The following UBR4 variants were observed in gnomAD, a reference collection of about 807,000 sequenced individuals.
UBR4 encodes E3 ubiquitin-protein ligase UBR4.
In UBR4, 124 loss-of-function variants were observed where a neutral mutation model predicts 575.6. The observed-to-expected ratio is 0.22, with a 90% CI of 0.19 to 0.25. The LOEUF is 0.25. UBR4 is among the 10% of genes least tolerant of loss of function. UBR4 has a pLI of 1.00. For missense variants in UBR4, 4,818 were observed against 6,478.8 expected (o/e 0.74, Z 8.80); for synonymous variants, 2,455 against 2,473.7 (o/e 0.99, Z 0.22).
chr1:19,160,171 C>G lies in UBR4; in HGVS notation c.5517G>C (p.Gln1839His). The G allele has an allele frequency of 6.2e-7, 1 of 1,614,124 alleles. No homozygotes were observed. The highest frequency in any genetic ancestry group is 8.5e-7 in the Non-Finnish European group (1 of 1,180,022). ...CAGTGTGTAGCTCACTGAGGGCTTG[C>G]TGAGCACGGCTGCTGCTCCCGACGG... ...ASAVGSSSRA[Q>H]QALSELHTVE... is the part of the protein sequence containing the mutation. The change falls in exon 39 of 106, where the codon CAG becomes CAC. Residue 1839 changes from glutamine to histidine, a missense_variant. This residue lies in a region of UBR4 where 159 missense variants were observed against 174.6 expected (regional missense o/e 0.91). Transcript: ENST00000375254.
Position 19,104,132 on chromosome 1 carries a change from C to T in UBR4, c.12853G>A (p.Asp4285Asn), listed in dbSNP as rs2078940985. Reference protein sequence around the residue: ...KLVVQRTKLIDETQDMLLEML... With the variant: ...KLVVQRTKLINETQDMLLEML... ...TCCAGCAGCATGTCCTGCGTCTCAT[C>T]GATCAGCTTGGTCCTCTGCACCACC... is the stretch of plus-strand genomic sequence containing the variant. Residue 4285 changes from aspartate to asparagine, a missense_variant, in exon 87 of 106, where the codon GAT becomes AAT. Asp to Asn is a conservative substitution (Grantham distance 23). Around this residue, in one of 29 missense-constraint regions of UBR4, gnomAD observed 105 missense variants for 232.8 expected, o/e 0.45. Transcript: ENST00000375254. 1 of 1,614,246 alleles carries T rather than the reference C, an allele frequency of 6.2e-7. No homozygotes were observed. The highest frequency in any genetic ancestry group is 8.5e-7 in the Non-Finnish European group (1 of 1,180,044).
Position 19,167,226 on chromosome 1 carries a change from G to A in UBR4, c.3905C>T (p.Ser1302Leu). Reference protein sequence around the residue: ...VRLTGDLIVWSDEMNPPQVIR... With the variant: ...VRLTGDLIVWLDEMNPPQVIR... ...TACCTGTGGTGGGTTCATCTCATCTGACCAACTTCAGCAAAGAAAATGAAA... is the reference window on the plus strand; with the variant it reads ...TACCTGTGGTGGGTTCATCTCATCTAACCAACTTCAGCAAAGAAAATGAAA... The change falls in exon 29 of 106, where the codon TCA becomes TTA. Residue 1302 changes from serine to leucine, a missense_variant. By Grantham distance (145) the Ser-to-Leu change is moderately radical. Transcript: ENST00000375254. 2 of 1,614,152 alleles carry A rather than the reference G, an allele frequency of 1.2e-6. No homozygotes were observed. Among genetic ancestry groups the A allele is most frequent in the Non-Finnish European group, 1.7e-6 (2 of 1,180,010 alleles).
chr1:19,193,578 G>T, intron 8 of UBR4, 21 bp from the exon 9 acceptor site: 1 of 1,607,680 alleles, frequency 6.2e-7, no homozygotes, highest in Non-Finnish European at 8.5e-7. Context: ...AGATGCACAG[G>T]TCTCAGCCAT....
chr1:19,126,963 T>G (rs956887160), intron 63 of UBR4, among the ~76,000 whole-genome samples: 1 of 152,188 alleles, frequency 6.6e-6, no homozygotes, highest in Non-Finnish European at 1.5e-5. Context: ...AGGGGACGCG[T>G]TTCCTCTTTT....
intron 42 of UBR4, among the ~76,000 whole-genome samples, chr1:19,156,021 T>G (rs2150379710): frequency 6.6e-6 from 1 of 152,306 alleles, no homozygotes; most frequent in Non-Finnish European, 1.5e-5. Context: ...TGTTATCATT[T>G]TTAGAGACAG....
Position 19,089,076 on chromosome 1 carries a change from T to C in UBR4, c.14212-99A>G. The C allele has an allele frequency of 8.4e-7, 1 of 1,191,528 alleles. No individual in the cohort carries two copies. Among genetic ancestry groups the C allele is most frequent in the Non-Finnish European group, 1.2e-6 (1 of 837,224 alleles). The allele number at this position is 1,191,528 out of a possible 1,614,324, so 73.8% of individuals were successfully genotyped here. A position where few individuals can be genotyped will look rare whatever the true frequency, so the allele number is the denominator to read the frequency against. ...TTAGAAACTCAACCAGCATGCACCA[T>C]CTCATGTCACCTGCTCAGCTGCAAT... is the stretch of plus-strand genomic sequence containing the variant. On this transcript the variant is annotated intron_variant, in intron 97 of 105. Transcript: ENST00000375254. The surrounding 1 kb of genome is among the most constrained non-coding windows in gnomAD (Gnocchi z 4.3).
Position 19,086,233 on chromosome 1 carries a change from G to A in UBR4, c.14725C>T (p.Leu4909=), listed in dbSNP as rs2076997601. ...RGREEWESAA[L]QNANTKCNGL... ...TTGCACTTGGTGTTGGCATTCTGCA[G>A]GGCGGCACTCTCCCACTCTTCCCGG... Residue 4909 remains leucine (L), a synonymous_variant, in exon 101 of 106, where the codon CTG becomes TTG. Transcript: ENST00000375254. 1 of 1,613,750 alleles carries A rather than the reference G, an allele frequency of 6.2e-7. No homozygotes were observed. The highest frequency in any genetic ancestry group is 8.5e-7 in the Non-Finnish European group (1 of 1,179,940).
Position 19,100,462 on chromosome 1 carries a change from T to C in UBR4, c.13135A>G (p.Ile4379Val), listed in dbSNP as rs1214505326. 5 of 1,614,180 alleles carry C rather than the reference T, an allele frequency of 3.1e-6. No homozygotes were observed. The highest frequency in any genetic ancestry group is 1.7e-5 in the Admixed American group (1 of 60,026). Residue 4379 changes from isoleucine to valine, a missense_variant, in exon 89 of 106, where the codon ATC (isoleucine) becomes GTC (valine). Physicochemically the swap from Ile to Val is conservative, Grantham distance 29. This residue lies in a region of UBR4 where 105 missense variants were observed against 232.8 expected (regional missense o/e 0.45). Transcript: ENST00000375254. The surrounding 1 kb of genome is among the most constrained non-coding windows in gnomAD (Gnocchi z 4.2). Reference protein sequence around the residue: ...GNPYSSNEPGIGPLMRDIKNK... With the variant: ...GNPYSSNEPGVGPLMRDIKNK... ...TTTATATCCCTCATCAGCGGCCCGA[T>C]GCCTGGCTCATTGCTGCTATACGGG...
intron 9 of UBR4, 118 bp downstream of exon 9, chr1:19,193,315 G>A: frequency 5.0e-6 from 7 of 1,409,626 alleles, no homozygotes; most frequent in Non-Finnish European, 5.8e-6. Context: ...CTAGTGCCCA[G>A]GGAAAGTAGT....
chr1:19,102,975 T>C (rs191888076), intron 87 of UBR4, among the ~76,000 whole-genome samples: 38 of 152,242 alleles, frequency 2.5e-4, no homozygotes, highest in Admixed American at 2.0e-3. Context: ...TCTCACTACC[T>C]AGGAGGTCTG....
intron 14 of UBR4, 73 bp from the exon 15 acceptor site, chr1:19,185,359 A>G: frequency 1.4e-6 from 2 of 1,417,002 alleles, no homozygotes; most frequent in Non-Finnish European, 1.9e-6. Flanking sequence ...GCTTCCTAAA[A>G]GTACTTAAGT....
chr1:19,078,348 C>T (rs2076161997), intron 103 of UBR4: 2 of 337,054 alleles, frequency 5.9e-6, no homozygotes, highest in Non-Finnish European at 5.6e-6. Context: ...GAGACATCGC[C>T]AGGGCAGACG....
At chr1:19,202,493 C>G (rs2092789774) in intron 1 of UBR4, among the ~76,000 whole-genome samples, 2 of 152,136 alleles carry the variant, frequency 1.3e-5, no homozygotes, top group Non-Finnish European at 2.9e-5. Flanking sequence ...ATAAGGCTGG[C>G]CTGTAATGCA....
chr1:19,118,171 T>A (rs2080760933), intron 71 of UBR4: 2 of 390,518 alleles, frequency 5.1e-6, no homozygotes, highest in Admixed American at 4.2e-5. Context: ...GTAGTAAAAT[T>A]TGACTCAAGA....
Position 19,167,150 on chromosome 1 carries a change from G to A in UBR4, c.3981C>T (p.Ala1327=), listed in dbSNP as rs1348955703. ...GTTCCAGGGAGTTGCTACTGATCTC[G>A]GCAACACTCTCAGTGCTTGATTCCA... ...LLLESSTESV[A]EISSNSLERI... is the part of the protein sequence containing the mutation. Residue 1327 remains alanine (A), a synonymous_variant, in exon 29 of 106, where the codon GCC becomes GCT. Transcript: ENST00000375254. 6 of 1,614,056 alleles carry A rather than the reference G, an allele frequency of 3.7e-6. No individual in the cohort carries two copies. Among genetic ancestry groups the A allele is most frequent in the East Asian group, 4.5e-5 (2 of 44,898 alleles).
At chr1:19,112,477 G>C (rs766416593) in intron 78 of UBR4, 47 bp downstream of exon 78, 10 of 1,550,686 alleles carry the variant, frequency 6.4e-6, no homozygotes, top group Non-Finnish European at 8.7e-6. Flanking sequence ...ATGGCTGCCA[G>C]TGTCAGTAGG....
intron 100 of UBR4, among the ~76,000 whole-genome samples, 177 bp from the exon 101 acceptor site, chr1:19,086,447 G>A (rs1234354874): frequency 6.6e-6 from 1 of 152,242 alleles, no homozygotes; most frequent in Admixed American, 6.5e-5. Context: ...GGTACACACT[G>A]GCTTTGCTGA....
At chr1:19,099,918 C>T (rs912710808) in intron 89 of UBR4, among the ~76,000 whole-genome samples, 1 of 152,102 alleles carries the variant, frequency 6.6e-6, no homozygotes, top group Non-Finnish European at 1.5e-5. Context: ...ACACACCCAC[C>T]GGGGACCTTC....
intron 55 of UBR4, among the ~76,000 whole-genome samples, chr1:19,142,163 C>G (rs2084018734): frequency 6.6e-6 from 1 of 152,218 alleles, no homozygotes. Context: ...TACCTTTTGT[C>G]TGTCATGGCA....
Sources: gnomAD v4.1 joint callset for allele counts (sites outside exome capture counted in the v4.1 genomes callset) on GRCh38, gnomAD v4.1.1 for gene constraint, gnomAD v4.1.1 regional missense constraint, Gnocchi (gnomAD v3.1) non-coding constraint, MANE v1.5 for transcripts, NCBI Gene and HGNC (gene_info 2026-07-23, HGNC 2026-07-21) for gene names.